Variants in BMPR1B observed in about 807,000 individuals in gnomAD.
The protein encoded by BMPR1B is bone morphogenetic protein receptor type 1B.
A neutral mutation model predicts 59.1 loss-of-function variants in BMPR1B; 12 were observed. That is an observed-to-expected ratio of 0.20 (90% CI 0.13 to 0.33). BMPR1B has a LOEUF of 0.33. Among genes scored for constraint, BMPR1B ranks in the 10% least tolerant of loss-of-function variants. BMPR1B has a pLI of 1.00. For synonymous variants in BMPR1B, 237 were observed against 207.3 expected (o/e 1.14, Z -1.23); for missense variants, 550 against 610.9 (o/e 0.90, Z 1.05).
intron 1 of BMPR1B, among the ~76,000 whole-genome samples, chr4:94,758,796 C>T (rs960408820): frequency 4.6e-5 from 7 of 152,070 alleles, no homozygotes; most frequent in Admixed American, 1.3e-4. Context: ...TCCTTTGCCT[C>T]TCCCCCCGGT....
chr4:95,003,364 A>C (rs1169642896), intron 3 of BMPR1B, among the ~76,000 whole-genome samples: 2 of 151,896 alleles, frequency 1.3e-5, no homozygotes, highest in African/African-American at 4.8e-5. Flanking sequence ...TTAAATCTTT[A>C]GGTTACCTTT....
chr4:95,100,668 A>G (rs1730754832), intron 3 of BMPR1B, among the ~76,000 whole-genome samples: 1 of 152,076 alleles, frequency 6.6e-6, no homozygotes, highest in South Asian at 2.1e-4. Context: ...TCTAGAGCTA[A>G]TATTATTCAG....
intron 1 of BMPR1B, among the ~76,000 whole-genome samples, chr4:94,815,655 C>T (rs951311928): frequency 2.0e-4 from 31 of 152,146 alleles, no homozygotes; most frequent in Admixed American, 1.8e-3. Flanking sequence ...CAGAATCACA[C>T]GTGGCTAGAT....
intron 2 of BMPR1B, among the ~76,000 whole-genome samples, chr4:94,973,437 C>T (rs144605513): frequency 5.5e-4 from 84 of 152,256 alleles, no homozygotes; most frequent in African/African-American, 1.9e-3. Context: ...GGGCACAGGG[C>T]GGATAATCAT....
chr4:94,999,294 C>A (rs906295196), intron 3 of BMPR1B, among the ~76,000 whole-genome samples: 6 of 151,740 alleles, frequency 4.0e-5, no homozygotes, highest in African/African-American at 1.5e-4. Context: ...TTCTTTATAC[C>A]CCTTTCACTT....
At chr4:94,860,030 A>G (rs556448818) in intron 1 of BMPR1B, among the ~76,000 whole-genome samples, 3 of 152,282 alleles carry the variant, frequency 2.0e-5, no homozygotes, top group African/African-American at 7.2e-5. Context: ...CTCCTTCCTC[A>G]GTGAAACTGT....
chr4:94,877,549 G>A (rs1473201744), intron 2 of BMPR1B, among the ~76,000 whole-genome samples: 1 of 152,186 alleles, frequency 6.6e-6, no homozygotes, highest in Non-Finnish European at 1.5e-5. Context: ...GTGCCTATAG[G>A]CACCTTTCTC....
rs77380058 is a variant in BMPR1B at position 94,854,415 on chromosome 4, A to C, written c.-182-21416A>C. On this transcript the variant is annotated intron_variant, in intron 1 of 12. Coordinates refer to ENST00000515059, the MANE Select transcript of BMPR1B (RefSeq NM_001203.3). The stretch of plus-strand genomic sequence containing the variant: ...GCATATTTACAAATGAAGGCTGAAA[A>C]AGTTTTGTTGTATCAGTGACTCAGA... 2.8e-3 allele frequency among the ~76,000 whole-genome samples: 420 copies of C among 152,282 alleles called. 15 individuals carry two copies. In the East Asian group the frequency reaches 0.068, roughly 25 times the overall value.
In BMPR1B at chr4:95,131,467, G is replaced by T; in HGVS notation, c.1031G>T (p.Gly344Val). ...KSKNILVKKNGTCCIADLGLA... is the reference protein window; with the variant it reads ...KSKNILVKKNVTCCIADLGLA... Reference sequence around the variant, plus strand: ...AAAAACATTCTGGTGAAGAAAAATGGAACTTGCTGTATTGCTGACCTGGGC... The same window carrying T: ...AAAAACATTCTGGTGAAGAAAAATGTAACTTGCTGTATTGCTGACCTGGGC... Residue 344 changes from glycine to valine, a missense_variant, in exon 10 of 13, where the codon GGA (glycine) becomes GTA (valine). By Grantham distance (109) the Gly-to-Val change is moderately radical (BLOSUM62 -3). Around this residue, in one of 6 missense-constraint regions of BMPR1B, gnomAD observed 318 missense variants for 284.6 expected, o/e 1.12. Coordinates refer to ENST00000515059, the MANE Select transcript of BMPR1B (RefSeq NM_001203.3). The T allele has an allele frequency of 6.2e-7, 1 of 1,614,014 alleles. No homozygotes were observed. Among genetic ancestry groups the T allele is most frequent in the Non-Finnish European group, 8.5e-7 (1 of 1,179,982 alleles).
chr4:95,093,138 CAG>C (rs1730117918), intron 3 of BMPR1B, among the ~76,000 whole-genome samples: 1 of 152,034 alleles, frequency 6.6e-6, no homozygotes, highest in South Asian at 2.1e-4. Flanking sequence ...TATTTTGTGA[CAG>C]TGGCTTCAGT....
chr4:94,828,463 A>T (rs1196337979), intron 1 of BMPR1B, among the ~76,000 whole-genome samples: 2 of 152,208 alleles, frequency 1.3e-5, no homozygotes, highest in Non-Finnish European at 2.9e-5. Context: ...GCATATTAAG[A>T]TGTTAATTAC....
chr4:94,785,965 T>C (rs1722749919), intron 1 of BMPR1B, among the ~76,000 whole-genome samples: 1 of 152,226 alleles, frequency 6.6e-6, no homozygotes, highest in Non-Finnish European at 1.5e-5. Context: ...TGTATGATTA[T>C]GCTTATTCTC....
intron 1 of BMPR1B, among the ~76,000 whole-genome samples, chr4:94,830,966 T>C (rs1375218560): frequency 1.3e-5 from 2 of 152,232 alleles, no homozygotes; most frequent in East Asian, 3.8e-4. Flanking sequence ...ATTCCACTTT[T>C]TGTCATTATT....
chr4:94,808,197 T>G (rs1426562968), intron 1 of BMPR1B, among the ~76,000 whole-genome samples: 4 of 152,164 alleles, frequency 2.6e-5, no homozygotes, highest in Non-Finnish European at 5.9e-5. Flanking sequence ...TTTTTCTAAT[T>G]AACAGATGTT....
intron 8 of BMPR1B, among the ~76,000 whole-genome samples, chr4:95,126,730 G>T (rs1732933794): frequency 6.6e-6 from 1 of 152,050 alleles, no homozygotes; most frequent in Non-Finnish European, 1.5e-5. Flanking sequence ...GTTCAATAAA[G>T]AAAAAGTCTC....
chr4:94,822,092 A>G (rs1724229005), intron 1 of BMPR1B, among the ~76,000 whole-genome samples: 1 of 152,260 alleles, frequency 6.6e-6, no homozygotes, highest in South Asian at 2.1e-4. Flanking sequence ...GTCTGAGATC[A>G]AAATGCTGGG....
At chr4:95,045,163 T>C (rs1196395628) in intron 3 of BMPR1B, among the ~76,000 whole-genome samples, 1 of 152,174 alleles carries the variant, frequency 6.6e-6, no homozygotes, top group African/African-American at 2.4e-5. Context: ...GCAGGGATGT[T>C]TACATGGTAA....
chr4:94,877,300 C>T (rs893075487), intron 2 of BMPR1B, among the ~76,000 whole-genome samples: 2 of 152,120 alleles, frequency 1.3e-5, no homozygotes, highest in African/African-American at 2.4e-5. Context: ...ACCTTCCTAC[C>T]AGGGTGAGGG....
At chr4:95,054,855 T>C (rs1415997215) in intron 3 of BMPR1B, among the ~76,000 whole-genome samples, 1 of 152,188 alleles carries the variant, frequency 6.6e-6, no homozygotes, top group Non-Finnish European at 1.5e-5. Flanking sequence ...GTACCCGTCC[T>C]GACGAGGATA....
Sources: gnomAD v4.1 joint callset for allele counts (sites outside exome capture counted in the v4.1 genomes callset) on GRCh38, gnomAD v4.1.1 for gene constraint, gnomAD v4.1.1 regional missense constraint, MANE v1.5 for transcripts, NCBI Gene and HGNC (gene_info 2026-07-23, HGNC 2026-07-21) for gene names.